The following IMPDH1 variants were observed in gnomAD, a reference collection of about 807,000 sequenced individuals.
IMPDH1 encodes the protein inosine monophosphate dehydrogenase 1, also known as inosine-5'-monophosphate dehydrogenase 1.
Under a neutral mutation model 73.5 loss-of-function variants are expected in IMPDH1, and 41 were observed. The observed-to-expected ratio is 0.56, with a 90% CI of 0.43 to 0.72. The LOEUF is 0.72. Among genes scored for constraint, IMPDH1 ranks in the 30% least tolerant of loss-of-function variants. IMPDH1 has a pLI of 0.00. For missense variants in IMPDH1, 645 were observed against 824.8 expected (o/e 0.78, Z 2.67); for synonymous variants, 318 against 334.3 (o/e 0.95, Z 0.53).
Position 128,405,980 on chromosome 7 carries a change from C to A in IMPDH1, c.255-115G>T, listed in dbSNP as rs988309983. The A allele has an allele frequency of 5.8e-6, 5 of 864,628 alleles. No individual in the cohort carries two copies. In the East Asian group the frequency reaches 3.4e-4, roughly 58 times the overall value. 53.6% of individuals were successfully genotyped at this position (864,628 alleles called of 1,614,324 possible). ...CCGCGGCCACGCTGCTGCCGCGGGC[C>A]GGGCGGGCCGGGGGCGGGGGCGGGG... On this transcript the variant is annotated intron_variant, in intron 3 of 16. Transcript: ENST00000338791.
In IMPDH1 at chr7:128,405,883, G is replaced by A. The variant is rs894768319; in HGVS notation, c.255-18C>T. On this transcript the variant is annotated intron_variant, in intron 3 of 16. Transcript: ENST00000338791. The stretch of plus-strand genomic sequence containing the variant: ...CCGCCATGCTGCCGCGAGACCCCGC[G>A]ACCCGACATAAACACCCGCGCGGCC... 22 of 1,515,146 alleles carry A rather than the reference G, an allele frequency of 1.5e-5. No homozygotes were observed. The highest frequency in any genetic ancestry group is 1.2e-4 in the African/African-American group (8 of 69,340). 93.9% of individuals were successfully genotyped at this position (1,515,146 alleles called of 1,614,324 possible). A position where few individuals can be genotyped will look rare whatever the true frequency, so the allele number is the denominator to read the frequency against.
At chr7:128,400,977 T>C (rs745741631) in intron 6 of IMPDH1, 38 bp downstream of exon 6, 1 of 1,601,052 alleles carries the variant, frequency 6.2e-7, no homozygotes, top group Admixed American at 1.7e-5. Flanking sequence ...GGTCAGTTCC[T>C]GTGTGCCCTG....
chr7:128,393,155 C>A, intron 16 of IMPDH1, 127 bp from the exon 17 acceptor site: 1 of 1,059,366 alleles, frequency 9.4e-7, no homozygotes, highest in East Asian at 2.4e-5. Flanking sequence ...AGATCTCAGC[C>A]GTACGGCGCA....
intron 3 of IMPDH1, among the ~76,000 whole-genome samples, chr7:128,406,206 G>A (rs1456194618): frequency 6.6e-6 from 1 of 150,738 alleles, no homozygotes; most frequent in East Asian, 1.9e-4. Flanking sequence ...GGCTGCGGGG[G>A]AGAGTACCGG....
At chr7:128,403,426 C>CATGT (rs1166796101) in intron 5 of IMPDH1, among the ~76,000 whole-genome samples, 2 of 152,092 alleles carry the variant, frequency 1.3e-5, no homozygotes, top group Non-Finnish European at 2.9e-5. Flanking sequence ...GGGGTTTTGG[C>CATGT]ATGTGCCTGT....
intron 10 of IMPDH1, among the ~76,000 whole-genome samples, chr7:128,397,481 A>G (rs1798008206): frequency 6.6e-6 from 1 of 152,232 alleles, no homozygotes; most frequent in African/African-American, 2.4e-5. Flanking sequence ...AGTAAACGTG[A>G]GCTAAATTAT....
chr7:128,396,313 C>T lies in IMPDH1; in HGVS notation c.1261+287G>A, dbSNP rs1214153366. On this transcript the variant is annotated intron_variant, in intron 12 of 16. Transcript: ENST00000338791. This position sits in a 1 kb window ranked among gnomAD's most constrained non-coding sequence, Gnocchi z 4.0. Reference sequence around the variant, plus strand: ...GCCTTGTCACAAATCAAATCCAAACCCTGAGGTTCCAACAAGCCCCATGGA... The same window carrying T: ...GCCTTGTCACAAATCAAATCCAAACTCTGAGGTTCCAACAAGCCCCATGGA... Among the ~76,000 whole-genome samples, 3 of 152,204 alleles carry T rather than the reference C, an allele frequency of 2.0e-5. No homozygotes were observed. Among genetic ancestry groups the T allele is most frequent in the Non-Finnish European group, 4.4e-5 (3 of 68,040 alleles).
rs1470642985 is a variant in IMPDH1 at position 128,395,044 on chromosome 7, C to G, written c.1406-11G>C. ...GGGAGCCCATCATCACTACAGTGGG[C>G]AAGGGATTAGTGCCTCCAGCCCACT... On this transcript the variant is annotated splice_polypyrimidine_tract_variant and intron_variant, in intron 13 of 16. Coordinates refer to ENST00000338791, the MANE Select transcript of IMPDH1 (RefSeq NM_000883.4). 6.2e-7 allele frequency: 1 copy of G among 1,613,800 alleles called. No homozygotes were observed. Among genetic ancestry groups the G allele is most frequent in the African/African-American group, 1.3e-5 (1 of 74,914 alleles).
chr7:128,395,051 T>TTAGTGCCTCCAGCCCAC lies in IMPDH1; in HGVS notation c.1406-35_1406-19dup. 6.2e-7 allele frequency: 1 copy of TTAGTGCCTCCAGCCCAC among 1,613,820 alleles called. No homozygotes were observed. The highest frequency in any genetic ancestry group is 8.5e-7 in the Non-Finnish European group (1 of 1,179,998). ...CATCATCACTACAGTGGGCAAGGGA[T>TTAGTGCCTCCAGCCCAC]TAGTGCCTCCAGCCCACTAGTGCCA... On this transcript the variant is annotated intron_variant, in intron 13 of 16. Transcript: ENST00000338791.
intron 3 of IMPDH1, among the ~76,000 whole-genome samples, chr7:128,408,098 G>A (rs1309583906): frequency 1.3e-5 from 2 of 152,116 alleles, no homozygotes; most frequent in East Asian, 1.9e-4. Context: ...AGGAGACACC[G>A]AGGCAACCAG....
chr7:128,400,426 C>T lies in IMPDH1; in HGVS notation c.693G>A (p.Glu231=), dbSNP rs1798243740. The T allele has an allele frequency of 6.2e-7, 1 of 1,612,338 alleles. No homozygotes were observed. Among genetic ancestry groups the T allele is most frequent in the African/African-American group, 1.3e-5 (1 of 74,898 alleles). The part of the protein sequence containing the change: ...RHGFSGIPIT[E]TGTMGSKLVG... Reference sequence around the variant, plus strand: ...CCAGCTTGCTGCCCATGGTGCCCGTCTCAGTGATGGGGATGCCAGAGAAGC... The same window carrying T: ...CCAGCTTGCTGCCCATGGTGCCCGTTTCAGTGATGGGGATGCCAGAGAAGC... Residue 231 remains glutamate, a synonymous_variant, in exon 8 of 17, where the codon GAG becomes GAA. Transcript: ENST00000338791.
At position 128,392,840 on chromosome 7, in the gene IMPDH1, G is replaced by C. The variant is rs1046329036; in HGVS notation, c.*167C>G. On this transcript the variant is annotated 3_prime_UTR_variant, in exon 17 of 17. Coordinates refer to ENST00000338791, the MANE Select transcript of IMPDH1 (RefSeq NM_000883.4). ...CAGTCCTGACTCTGCAGGGGATGCC[G>C]AGTGAGGGGCAGCAGTCCCCTCAGG... 40 of 673,612 alleles carry C rather than the reference G, an allele frequency of 5.9e-5. 1 individual carries two copies. In the African/African-American group the frequency reaches 6.0e-4, roughly 10 times the overall value. The allele number at this position is 673,612 out of a possible 1,614,324, so 41.7% of individuals were successfully genotyped here.
rs1803821 is a variant in IMPDH1, at chr7:128,392,410, C to T, written c.*597G>A. On this transcript the variant is annotated 3_prime_UTR_variant, in exon 17 of 17. Transcript: ENST00000338791. ...AAGGGAGGAATGGTTCACCTGGGGA[C>T]GGTGGTGAGTCAGGAATGACAGGCA... The T allele has an allele frequency of 0.018, 2,742 of 155,022 alleles. 40 individuals are homozygous for T. Among genetic ancestry groups the T allele is most frequent in the South Asian group, 0.055 (275 of 4,990 alleles). 9.6% of individuals were successfully genotyped at this position (155,022 alleles called of 1,614,324 possible).
chr7:128,402,690 A>T (rs1798420960), intron 5 of IMPDH1, among the ~76,000 whole-genome samples: 1 of 148,494 alleles, frequency 6.7e-6, no homozygotes, highest in Non-Finnish European at 1.5e-5. Flanking sequence ...AATAGCAATA[A>T]TAATAGCAAC....
chr7:128,404,837 TGGA>T, intron 4 of IMPDH1, among the ~76,000 whole-genome samples: 1 of 152,336 alleles, frequency 6.6e-6, no homozygotes, highest in South Asian at 2.1e-4. Context: ...GAAGAAATGC[TGGA>T]GTCTGGGCCT....
intron 4 of IMPDH1, among the ~76,000 whole-genome samples, chr7:128,405,489 C>A (rs1012439381): frequency 6.6e-6 from 1 of 152,212 alleles, no homozygotes; most frequent in Non-Finnish European, 1.5e-5. Flanking sequence ...AGTTCCCACA[C>A]GCCCGAGGGC....
At chr7:128,406,377 C>A (rs1297010752) in intron 3 of IMPDH1, among the ~76,000 whole-genome samples, 3 of 148,338 alleles carry the variant, frequency 2.0e-5, no homozygotes, top group African/African-American at 5.0e-5. Context: ...CAGGGCACCT[C>A]TAACACGGTT....
At chr7:128,406,038 G>T in intron 3 of IMPDH1, 173 bp from the exon 4 acceptor site, 2 of 239,050 alleles carry the variant, frequency 8.4e-6, no homozygotes, top group African/African-American at 2.3e-5. Context: ...CCAGGGCGCC[G>T]CCCTGTCCTC....
rs1300313010 is a variant in IMPDH1, at chr7:128,405,835, G to T, written c.285C>A (p.Thr95=). The T allele has an allele frequency of 6.5e-7, 1 of 1,539,362 alleles. No individual in the cohort carries two copies. The highest frequency in any genetic ancestry group is 8.7e-7 in the Non-Finnish European group (1 of 1,144,598). ...SMADYLISGG[T]GYVPEDGLTA... ...TGAGCCCATCCTCGGGCACGTAGCC[G>T]GTGCCGCCGCTGATCAGGTAGTCCG... The change falls in exon 4 of 17, where the codon ACC becomes ACA. Residue 95 remains threonine, a synonymous_variant. Coordinates refer to ENST00000338791, the MANE Select transcript of IMPDH1 (RefSeq NM_000883.4).
Sources: gnomAD v4.1 joint callset for allele counts (sites outside exome capture counted in the v4.1 genomes callset) on GRCh38, gnomAD v4.1.1 for gene constraint, Gnocchi (gnomAD v3.1) non-coding constraint, MANE v1.5 for transcripts, NCBI Gene and HGNC (gene_info 2026-07-23, HGNC 2026-07-21) for gene names.